The following SCAMP1 variants were observed in gnomAD, a reference collection of about 807,000 sequenced individuals.
The protein encoded by SCAMP1 is secretory carrier membrane protein 1, also known as secretory carrier-associated membrane protein 1.
A neutral mutation model predicts 41.8 loss-of-function variants in SCAMP1; 15 were observed. The ratio of observed to expected loss-of-function variants is 0.36; its 90% CI spans 0.24 to 0.55. The LOEUF (loss-of-function observed/expected upper bound fraction) is 0.55, where lower values mean the gene tolerates loss of function less well. Ranked by LOEUF, SCAMP1 falls within the 20% of genes least tolerant of loss-of-function variation. The pLI, the probability that SCAMP1 is intolerant of heterozygous loss-of-function variation, is 0.86. For missense variants in SCAMP1, 341 were observed against 412.6 expected (o/e 0.83, Z 1.50); for synonymous variants, 135 against 136.8 (o/e 0.99, Z 0.09).
chr5:78,478,551 C>T lies in SCAMP1; in HGVS notation c.*2883C>T, dbSNP rs116171875. The T allele has an allele frequency of 1.3e-5, 2 of 152,112 alleles. No individual in the cohort carries two copies. Among genetic ancestry groups the T allele is most frequent in the African/African-American group, 2.4e-5 (1 of 41,418 alleles). The allele number at this position is 152,112 out of a possible 1,614,324, so 9.4% of individuals were successfully genotyped here. ...GCCCCTTTAAGGTCAAAATACAGAT[C>T]ATCTAGAAGTTAGATTCAAAATGGA... is the stretch of plus-strand genomic sequence containing the variant. On this transcript the variant is annotated 3_prime_UTR_variant, in exon 9 of 9. Transcript: ENST00000621999.
chr5:78,372,498 A>C (rs35299318), intron 1 of SCAMP1, among the ~76,000 whole-genome samples: 28,360 of 152,086 alleles, frequency 0.19, 3,273 homozygotes, highest in Admixed American at 0.34. Flanking sequence ...CTGCTAGCCT[A>C]CCATGACATT....
At chr5:78,473,248 G>A (rs988540896) in intron 8 of SCAMP1, among the ~76,000 whole-genome samples, 1 of 152,126 alleles carries the variant, frequency 6.6e-6, no homozygotes, top group African/African-American at 2.4e-5. Context: ...TTTTACCACT[G>A]TATCAGAAGC....
chr5:78,370,772 T>A (rs1241669466), intron 1 of SCAMP1: 6 of 152,232 alleles, frequency 3.9e-5, no homozygotes. Context: ...CCAAAGTGGC[T>A]GTACCATTTT....
intron 1 of SCAMP1, among the ~76,000 whole-genome samples, chr5:78,366,960 G>T (rs1421499717): frequency 6.7e-6 from 1 of 148,670 alleles, no homozygotes; most frequent in Non-Finnish European, 1.5e-5. Flanking sequence ...ACAAAAAAAA[G>T]ATATAAAATT....
Position 78,475,863 on chromosome 5 carries a change from C to G in SCAMP1, c.*195C>G. 1 of 345,054 alleles carries G rather than the reference C, an allele frequency of 2.9e-6. No homozygotes were observed. The highest frequency in any genetic ancestry group is 5.1e-6 in the Non-Finnish European group (1 of 194,684). The allele number at this position is 345,054 out of a possible 1,614,324, so 21.4% of individuals were successfully genotyped here. On this transcript the variant is annotated 3_prime_UTR_variant, in exon 9 of 9. Transcript: ENST00000621999. ...TAATAGTTTCTTAATATTTCAGTGC[C>G]CCTTGCAGAAAAAATATTACATGCT...
intron 6 of SCAMP1, among the ~76,000 whole-genome samples, chr5:78,428,825 C>T (rs1211768232): frequency 6.6e-6 from 1 of 152,040 alleles, no homozygotes; most frequent in African/African-American, 2.4e-5. Context: ...AAATCTTATA[C>T]TTCTGTTGTT....
At chr5:78,416,932 T>C (rs1486536931) in intron 4 of SCAMP1, among the ~76,000 whole-genome samples, 2 of 152,222 alleles carry the variant, frequency 1.3e-5, no homozygotes, top group Non-Finnish European at 2.9e-5. Flanking sequence ...CAGGAGCCTT[T>C]GATTCTGCAG....
intron 2 of SCAMP1, among the ~76,000 whole-genome samples, chr5:78,400,137 A>T (rs1196174234): frequency 6.6e-6 from 1 of 152,156 alleles, no homozygotes; most frequent in African/African-American, 2.4e-5. Context: ...AGACTGTTCC[A>T]TTGTACTGCC....
chr5:78,360,713 C>T lies in SCAMP1; in HGVS notation c.42C>T (p.Leu14=), dbSNP rs1023572248. 4.3e-6 allele frequency: 7 copies of T among 1,610,140 alleles called. No individual in the cohort carries two copies. Among genetic ancestry groups the T allele is most frequent in the Non-Finnish European group, 5.9e-6 (7 of 1,178,422 alleles). The change falls in exon 1 of 9, where the codon CTC becomes CTT. Residue 14 remains leucine, a synonymous_variant. Coordinates refer to ENST00000621999, the MANE Select transcript of SCAMP1 (RefSeq NM_004866.6). ...GTAACCCGTTTGCCGACCCGGATCT[C>T]AACAATCCCTTCAAGGTGAGCTTCG... ...FDSNPFADPD[L]NNPFKDPSVT...
Position 78,475,771 on chromosome 5 carries a change from T to C in SCAMP1, c.*103T>C. Reference sequence around the variant, plus strand: ...TTCAAAACACACAGTACAGACAGCATGGATATTTCCTGTTCACTTGTGCAT... The same window carrying C: ...TTCAAAACACACAGTACAGACAGCACGGATATTTCCTGTTCACTTGTGCAT... On this transcript the variant is annotated 3_prime_UTR_variant, in exon 9 of 9. Coordinates refer to ENST00000621999, the MANE Select transcript of SCAMP1 (RefSeq NM_004866.6). 1 of 892,142 alleles carries C rather than the reference T, an allele frequency of 1.1e-6. No individual in the cohort carries two copies. Among genetic ancestry groups the C allele is most frequent in the Non-Finnish European group, 1.5e-6 (1 of 653,580 alleles). 55.3% of individuals were successfully genotyped at this position (892,142 alleles called of 1,614,324 possible).
intron 1 of SCAMP1, among the ~76,000 whole-genome samples, chr5:78,388,039 C>T (rs549902062): frequency 7.2e-4 from 109 of 152,240 alleles, no homozygotes; most frequent in African/African-American, 2.6e-3. Context: ...CTCGGCTGTC[C>T]CAGGAACCTG....
In SCAMP1 at chr5:78,459,366, A is replaced by C; in HGVS notation, c.852+4A>C. ...CTCACTAGTTATGTTCAAAAAAGTA[A>C]GTGAAATTTTATGTCTAAATTTTTA... is the stretch of plus-strand genomic sequence containing the variant. On this transcript the variant is annotated splice_donor_region_variant and intron_variant, in intron 8 of 8. Transcript: ENST00000621999. 5 of 1,399,314 alleles carry C rather than the reference A, an allele frequency of 3.6e-6. No homozygotes were observed. The highest frequency in any genetic ancestry group is 5.0e-6 in the Non-Finnish European group (5 of 994,730). 86.7% of individuals were successfully genotyped at this position (1,399,314 alleles called of 1,614,324 possible). A position where few individuals can be genotyped will look rare whatever the true frequency, so the allele number is the denominator to read the frequency against.
intron 8 of SCAMP1, among the ~76,000 whole-genome samples, chr5:78,468,229 G>T (rs1451691071): frequency 6.6e-6 from 1 of 152,162 alleles, no homozygotes; most frequent in African/African-American, 2.4e-5. Flanking sequence ...AATATTGAAA[G>T]AATATATGTC....
chr5:78,423,863 A>C (rs1358669133), intron 6 of SCAMP1, among the ~76,000 whole-genome samples: 1 of 119,890 alleles, frequency 8.3e-6, no homozygotes, highest in Non-Finnish European at 1.7e-5. Flanking sequence ...TTTTTTTTTG[A>C]GATGGAGTTT....
At chr5:78,469,913 C>CAAAAAAAAAAAAAAAAAAAA (rs1561290939) in intron 8 of SCAMP1, among the ~76,000 whole-genome samples, 21 of 23,222 alleles carry the variant, frequency 9.0e-4, no homozygotes, top group Non-Finnish European at 1.2e-3. Context: ...AAAAAAAAAA[C>CAAAAAAAAAAAAAAAAAAAA]AAAAAAAAAA....
intron 6 of SCAMP1, among the ~76,000 whole-genome samples, chr5:78,437,892 G>T (rs1346122145): frequency 5.9e-5 from 9 of 152,208 alleles, no homozygotes; most frequent in African/African-American, 1.9e-4. Flanking sequence ...CAATTTCAGA[G>T]CCTGTTATTG....
At chr5:78,373,859 AAAAC>A (rs1351244079) in intron 1 of SCAMP1, among the ~76,000 whole-genome samples, 8 of 152,304 alleles carry the variant, frequency 5.3e-5, no homozygotes, top group Middle Eastern at 3.4e-3. Flanking sequence ...TATAATTTGA[AAAAC>A]AAACAAAACA....
chr5:78,473,110 T>C (rs1753924216), intron 8 of SCAMP1, among the ~76,000 whole-genome samples: 1 of 152,172 alleles, frequency 6.6e-6, no homozygotes, highest in African/African-American at 2.4e-5. Flanking sequence ...ATAATTACTT[T>C]TATACTTAAT....
chr5:78,376,099 G>A (rs1014851437), intron 1 of SCAMP1, among the ~76,000 whole-genome samples: 2 of 152,040 alleles, frequency 1.3e-5, no homozygotes, highest in African/African-American at 2.4e-5. Context: ...TGAGGCTCAG[G>A]GGGGCATCAC....
Sources: gnomAD v4.1 joint callset for allele counts (sites outside exome capture counted in the v4.1 genomes callset) on GRCh38, gnomAD v4.1.1 for gene constraint, MANE v1.5 for transcripts, NCBI Gene and HGNC (gene_info 2026-07-23, HGNC 2026-07-21) for gene names.